Variants in MED13 observed in about 807,000 individuals in gnomAD.
MED13 encodes mediator complex subunit 13.
In MED13, 23 loss-of-function variants were observed where a neutral mutation model predicts 225.2. The observed-to-expected ratio is 0.10, with a 90% CI of 0.07 to 0.14. The LOEUF is 0.14. Ranked by LOEUF, MED13 falls within the 10% of genes least tolerant of loss-of-function variation. The pLI, the probability that MED13 is intolerant of heterozygous loss-of-function variation, is 1.00. For synonymous variants in MED13, 942 were observed against 889.2 expected (o/e 1.06, Z -1.06); for missense variants, 2,197 against 2,594.5 (o/e 0.85, Z 3.33).
Position 61,966,560 on chromosome 17 carries a change from T to C in MED13, c.4283A>G (p.Glu1428Gly). 6.2e-7 allele frequency: 1 copy of C among 1,614,010 alleles called. No individual in the cohort carries two copies. Among genetic ancestry groups the C allele is most frequent in the Non-Finnish European group, 8.5e-7 (1 of 1,179,898 alleles). The change falls in exon 19 of 30, where the codon GAA becomes GGA. Residue 1428 changes from glutamate to glycine, a missense_variant. Coordinates refer to ENST00000397786, the MANE Select transcript of MED13 (RefSeq NM_005121.3). ...AGAAAACCATTCTGCTACCAACTTT[T>C]CTGATAGTTTCTTTGATGCAGTAGA... is the stretch of plus-strand genomic sequence containing the variant. ...VGSTASKKLS[E>G]KLVAEWFSQA...
chr17:62,060,086 G>C (rs754967977), intron 2 of MED13, among the ~76,000 whole-genome samples: 5 of 152,038 alleles, frequency 3.3e-5, no homozygotes, highest in Non-Finnish European at 5.9e-5. Context: ...GCGCTCAGGA[G>C]TTCGAGACCA....
intron 26 of MED13, among the ~76,000 whole-genome samples, chr17:61,953,981 A>T (rs994293622): frequency 6.6e-6 from 1 of 152,214 alleles, no homozygotes; most frequent in Non-Finnish European, 1.5e-5. Context: ...GTACAGTAAG[A>T]GATTAACAAC....
chr17:62,061,587 T>C (rs1418738306), intron 2 of MED13, among the ~76,000 whole-genome samples: 3 of 152,206 alleles, frequency 2.0e-5, no homozygotes, highest in Non-Finnish European at 4.4e-5. Context: ...TTTTCAACAA[T>C]GTTATACAGT....
chr17:62,059,483 G>A (rs891458260), intron 2 of MED13, among the ~76,000 whole-genome samples: 4 of 152,210 alleles, frequency 2.6e-5, no homozygotes, highest in African/African-American at 9.6e-5. Flanking sequence ...TGAAGAGCAG[G>A]CTCAAGCTAA....
At chr17:61,963,202 CAAAAAAAA>C (rs11290002) in intron 20 of MED13, among the ~76,000 whole-genome samples, 71 of 55,798 alleles carry the variant, frequency 1.3e-3, no homozygotes, top group South Asian at 8.6e-3. Flanking sequence ...TTAAATTTAC[CAAAAAAAA>C]AAAAAAAAAA....
chr17:61,989,759 T>C (rs2143492871), intron 11 of MED13, among the ~76,000 whole-genome samples: 1 of 152,388 alleles, frequency 6.6e-6, no homozygotes, highest in East Asian at 1.9e-4. Context: ...GCATGGGCCA[T>C]GACACTTGGC....
intron 8 of MED13, among the ~76,000 whole-genome samples, chr17:62,017,350 TAA>T (rs1239560151): frequency 2.6e-5 from 4 of 151,640 alleles, no homozygotes; most frequent in African/African-American, 9.7e-5. Flanking sequence ...AATAAATGAT[TAA>T]TTCAATTAAC....
At chr17:62,047,694 C>A (rs188816491) in intron 3 of MED13, among the ~76,000 whole-genome samples, 258 of 151,912 alleles carry the variant, frequency 1.7e-3, no homozygotes, top group African/African-American at 5.8e-3. Context: ...ACGTTCTGCA[C>A]ATGTATTGCA....
rs186530648 is a variant in MED13 at position 61,988,965 on chromosome 17, C to T, written c.2264-1837G>A. ...CCCCTGGCCATCCCCATTCCCCTACCCCCAGTCTCTGGTAATCACCACTTT... is the reference window on the plus strand; with the variant it reads ...CCCCTGGCCATCCCCATTCCCCTACTCCCAGTCTCTGGTAATCACCACTTT... On this transcript the variant is annotated intron_variant, in intron 11 of 29. Transcript: ENST00000397786. Among the ~76,000 whole-genome samples the T allele has an allele frequency of 7.5e-3, 1,142 of 152,170 alleles. 5 individuals are homozygous for T. Among genetic ancestry groups the T allele is most frequent in the Non-Finnish European group, 0.011 (736 of 67,992 alleles).
intron 3 of MED13, among the ~76,000 whole-genome samples, chr17:62,040,295 T>A (rs573353396): frequency 6.6e-6 from 1 of 152,142 alleles, no homozygotes; most frequent in African/African-American, 2.4e-5. Context: ...CTATAAAGGA[T>A]TGCAGAGAAT....
chr17:62,028,801 C>T (rs990755834), intron 8 of MED13, among the ~76,000 whole-genome samples: 1 of 151,694 alleles, frequency 6.6e-6, no homozygotes, highest in East Asian at 1.9e-4. Flanking sequence ...GCCGAGATCA[C>T]GCCACTGCAC....
chr17:61,976,148 G>A (rs2080154195), intron 16 of MED13, among the ~76,000 whole-genome samples: 1 of 152,136 alleles, frequency 6.6e-6, no homozygotes, highest in African/African-American at 2.4e-5. Context: ...TAGCCAAAAA[G>A]TGGAAAAAAT....
intron 2 of MED13, among the ~76,000 whole-genome samples, chr17:62,058,103 T>C (rs987805702): frequency 3.9e-5 from 6 of 152,180 alleles, no homozygotes; most frequent in African/African-American, 1.4e-4. Context: ...GTACCAGTCC[T>C]ACCCACCACA....
intron 8 of MED13, among the ~76,000 whole-genome samples, chr17:62,015,603 T>A (rs1227394474): frequency 6.6e-6 from 1 of 151,612 alleles, no homozygotes; most frequent in Non-Finnish European, 1.5e-5. Flanking sequence ...TGAGACAGTC[T>A]CGCTCTGTTG....
At chr17:62,064,905 G>A (rs944975004) in intron 1 of MED13, among the ~76,000 whole-genome samples, 1 of 152,214 alleles carries the variant, frequency 6.6e-6, no homozygotes, top group African/African-American at 2.4e-5. Context: ...CGGTGAGAAG[G>A]AGAGTCCGAA....
At chr17:62,009,170 C>T (rs933633657) in intron 9 of MED13, among the ~76,000 whole-genome samples, 3 of 152,104 alleles carry the variant, frequency 2.0e-5, no homozygotes, top group Non-Finnish European at 4.4e-5. Flanking sequence ...TTGATTTTCA[C>T]CTTTTAGAAA....
intron 2 of MED13, 152 bp downstream of exon 2, chr17:62,062,915 T>C (rs532037393): frequency 1.2e-5 from 7 of 583,666 alleles, no homozygotes; most frequent in African/African-American, 1.9e-5. Context: ...TAAAATAAAA[T>C]AATCATGGTG....
At chr17:62,062,074 T>C (rs767283415) in intron 2 of MED13, among the ~76,000 whole-genome samples, 4 of 152,118 alleles carry the variant, frequency 2.6e-5, no homozygotes, top group African/African-American at 9.7e-5. Context: ...AAAAATAAAA[T>C]AGATCCTATA....
At chr17:61,948,039 A>T (rs540489644) in intron 28 of MED13, among the ~76,000 whole-genome samples, 2 of 152,308 alleles carry the variant, frequency 1.3e-5, no homozygotes, top group Admixed American at 6.5e-5. Flanking sequence ...TGATTTATGG[A>T]GTTATAAGCA....
Sources: allele counts gnomAD v4.1 joint callset (sites outside exome capture counted in the v4.1 genomes callset), GRCh38; gene constraint gnomAD v4.1.1; transcripts MANE v1.5; gene names NCBI Gene and HGNC (gene_info 2026-07-23, HGNC 2026-07-21).